WRAP73: variants seen among roughly 807,000 people sequenced by gnomAD.
WRAP73 encodes WD repeat-containing protein WRAP73.
Under a neutral mutation model 59.6 loss-of-function variants are expected in WRAP73, and 55 were observed. The ratio of observed to expected loss-of-function variants is 0.92; its 90% CI spans 0.74 to 1.15. WRAP73 has a LOEUF of 1.15. Ranked by LOEUF, WRAP73 falls within the 50% of genes most tolerant of loss-of-function variation. The pLI is 0.00. For synonymous variants in WRAP73, 265 were observed against 258.2 expected (o/e 1.03, Z -0.25); for missense variants, 592 against 608.1 (o/e 0.97, Z 0.28).
chr1:3,632,369 G>A, intron 9 of WRAP73, 31 bp from the exon 10 acceptor site: 2 of 1,613,956 alleles, frequency 1.2e-6, no homozygotes, highest in Non-Finnish European at 1.7e-6. Context: ...ACACGCCATT[G>A]TCACCCTTTC....
chr1:3,646,845 A>T lies in WRAP73; in HGVS notation c.223-63T>A. The T allele has an allele frequency of 1.4e-6, 2 of 1,455,584 alleles. No homozygotes were observed. Among genetic ancestry groups the T allele is most frequent in the Non-Finnish European group, 1.9e-6 (2 of 1,049,422 alleles). 90.2% of individuals were successfully genotyped at this position (1,455,584 alleles called of 1,614,324 possible). A position where few individuals can be genotyped will look rare whatever the true frequency, so the allele number is the denominator to read the frequency against. On this transcript the variant is annotated intron_variant, in intron 2 of 11. Transcript: ENST00000270708. This position sits in a 1 kb window ranked among gnomAD's most constrained non-coding sequence, Gnocchi z 5.1. ...TCATCAGCACCGAGAGACAGCGAGG[A>T]CAGCTCGCTTAAACGCAGCGGAGAC...
intron 5 of WRAP73, 31 bp from the exon 6 acceptor site, chr1:3,636,061 T>C (rs1207160962): frequency 6.6e-7 from 1 of 1,521,410 alleles, no homozygotes; most frequent in East Asian, 2.3e-5. Context: ...AACATTAAAT[T>C]TGGAAAATAT....
intron 6 of WRAP73, chr1:3,635,681 C>G (rs939052510): frequency 6.0e-6 from 3 of 496,370 alleles, no homozygotes; most frequent in African/African-American, 1.9e-5. Context: ...ATTAGCCGGG[C>G]GTGGTGGTGC....
At chr1:3,647,349 C>T (rs1644701482) in intron 2 of WRAP73, 59 bp downstream of exon 2, 5 of 1,517,884 alleles carry the variant, frequency 3.3e-6, no homozygotes, top group Non-Finnish European at 3.5e-6. Flanking sequence ...GAACAAAACC[C>T]CTCCTTCCCA....
chr1:3,642,101 G>A (rs1033223899), intron 3 of WRAP73, among the ~76,000 whole-genome samples: 3 of 152,204 alleles, frequency 2.0e-5, no homozygotes, highest in African/African-American at 7.2e-5. Flanking sequence ...TTAAAAATCT[G>A]GCAGAGCCGG....
At chr1:3,635,123 C>T (rs1266412539) in intron 7 of WRAP73, 37 bp downstream of exon 7, 7 of 1,614,134 alleles carry the variant, frequency 4.3e-6, no homozygotes, top group East Asian at 2.2e-5. Flanking sequence ...GCCCGCTGGG[C>T]GGTCGGACTT....
In WRAP73 at chr1:3,647,606, A is replaced by C; in HGVS notation, c.70-46T>G. On this transcript the variant is annotated intron_variant, in intron 1 of 11. Transcript: ENST00000270708. ...AGCACCTGACATTCTCCACTCCAAA[A>C]GAGGGGGGCCTTCGGAATGCTACTG... The C allele has an allele frequency of 1.9e-6, 3 of 1,593,214 alleles. No homozygotes were observed. In the East Asian group the frequency reaches 6.8e-5, roughly 36 times the overall value.
intron 11 of WRAP73, 140 bp downstream of exon 11, chr1:3,631,326 G>T: frequency 7.6e-7 from 1 of 1,321,634 alleles, no homozygotes; most frequent in Non-Finnish European, 1.0e-6. Context: ...TGTCCGTCTT[G>T]AGGTTTACGC....
Position 3,635,211 on chromosome 1 carries a change from C to T in WRAP73, c.687G>A (p.Val229=). 6.2e-7 allele frequency: 1 copy of T among 1,614,078 alleles called. No homozygotes were observed. Among genetic ancestry groups the T allele is most frequent in the Non-Finnish European group, 8.5e-7 (1 of 1,180,048 alleles). The change falls in exon 7 of 12, where the codon GTG becomes GTA. Residue 229 remains valine (V), a synonymous_variant. Transcript: ENST00000270708. ...GGAACTGACTGCTGGGGCTCCAGGC[C>T]ACAGACTTGATGCCCAGGGACCACT... ...AYEWSLGIKS[V]AWSPSSQFLA... is the part of the protein sequence containing the mutation.
chr1:3,633,399 T>C lies in WRAP73; in HGVS notation c.921A>G (p.Lys307=). The C allele has an allele frequency of 6.2e-7, 1 of 1,612,372 alleles. No individual in the cohort carries two copies. Among genetic ancestry groups the C allele is most frequent in the Non-Finnish European group, 8.5e-7 (1 of 1,179,520 alleles). The change falls in exon 9 of 12, where the codon AAA becomes AAG. Residue 307 remains lysine, a splice_region_variant and synonymous_variant. Transcript: ENST00000270708. ...GAGPLPSSES[K]YEIASVPVSL... is the part of the protein sequence containing the mutation. ...AATGACATCACATGTGCTACTTACA[T>C]TTACTCTCTGAGCTCGGGAGAGGGC...
intron 3 of WRAP73, among the ~76,000 whole-genome samples, chr1:3,643,228 C>CTATAAA (rs1644663281): frequency 6.6e-6 from 1 of 152,248 alleles, no homozygotes; most frequent in African/African-American, 2.4e-5. Flanking sequence ...GTACAAGCCC[C>CTATAAA]TATAAATCAA....
At chr1:3,638,914 A>G (rs1356455086) in intron 3 of WRAP73, 92 bp from the exon 4 acceptor site, 1 of 1,401,994 alleles carries the variant, frequency 7.1e-7, no homozygotes, top group Non-Finnish European at 1.0e-6. Flanking sequence ...GTCCCCAAGC[A>G]CAGGCCTGAC....
chr1:3,638,156 G>A (rs1403048102), intron 4 of WRAP73, among the ~76,000 whole-genome samples: 1 of 152,248 alleles, frequency 6.6e-6, no homozygotes, highest in Non-Finnish European at 1.5e-5. Context: ...CAAAAAGACA[G>A]TGCGGTGTCG....
rs1644523355 is a variant in WRAP73 at position 3,630,809 on chromosome 1, TAC to T, written c.*164_*165del. ...AAGTATTTATTTTAAATAATAAAAC[TAC>T]AGTTTTATACCATACATATTTACAA... On this transcript the variant is annotated 3_prime_UTR_variant, in exon 12 of 12. Coordinates refer to ENST00000270708, the MANE Select transcript of WRAP73 (RefSeq NM_017818.4). 1 of 809,874 alleles carries T rather than the reference TAC, an allele frequency of 1.2e-6. No homozygotes were observed. Among genetic ancestry groups the T allele is most frequent in the East Asian group, 2.8e-5 (1 of 35,678 alleles). 50.2% of individuals were successfully genotyped at this position (809,874 alleles called of 1,614,324 possible). A position where few individuals can be genotyped will look rare whatever the true frequency, so the allele number is the denominator to read the frequency against.
Position 3,637,065 on chromosome 1 carries a change from G to T in WRAP73, c.446C>A (p.Ala149Glu). The T allele has an allele frequency of 6.2e-7, 1 of 1,612,850 alleles. No homozygotes were observed. The highest frequency in any genetic ancestry group is 8.5e-7 in the Non-Finnish European group (1 of 1,179,814). Residue 149 changes from alanine (A) to glutamate (E), a missense_variant, in exon 5 of 12, where the codon GCG (alanine) becomes GAG (glutamate). Transcript: ENST00000270708. ...TTTGCAGTCGCGCCGTTCTGCCAGC[G>T]CCATGTAGCGGCCGTCCCTGGTGAA... ...ITFTRDGRYM[A>E]LAERRDCKDY... is the part of the protein sequence containing the mutation.
rs758461765 is a variant in WRAP73, at chr1:3,647,194, C to T, written c.222+214G>A. The stretch of plus-strand genomic sequence containing the variant: ...GTGGCTAGATTGCTGTCAACACCTC[C>T]GTTTCTCAACTATATTGCTTAGAAA... On this transcript the variant is annotated intron_variant, in intron 2 of 11. Coordinates refer to ENST00000270708, the MANE Select transcript of WRAP73 (RefSeq NM_017818.4). 463 of 546,586 alleles carry T rather than the reference C, an allele frequency of 8.5e-4. 2 individuals are homozygous for T. The highest frequency in any genetic ancestry group is 1.0e-3 in the Non-Finnish European group (329 of 329,078). The allele number at this position is 546,586 out of a possible 1,614,324, so 33.9% of individuals were successfully genotyped here.
chr1:3,637,164 G>GT, intron 4 of WRAP73, 66 bp from the exon 5 acceptor site: 1 of 1,357,572 alleles, frequency 7.4e-7, no homozygotes, highest in Non-Finnish European at 1.0e-6. Flanking sequence ...AACCACAGTA[G>GT]TAATTCACAA....
intron 3 of WRAP73, among the ~76,000 whole-genome samples, chr1:3,641,381 C>A (rs1161112140): frequency 6.6e-6 from 1 of 152,130 alleles, no homozygotes; most frequent in Non-Finnish European, 1.5e-5. Flanking sequence ...CATGCCACGA[C>A]CCAGCACTCT....
intron 6 of WRAP73, 64 bp from the exon 7 acceptor site, chr1:3,635,358 G>A (rs1309164308): frequency 1.2e-5 from 19 of 1,597,540 alleles, no homozygotes; most frequent in South Asian, 2.2e-5. Flanking sequence ...CACCACAGAC[G>A]CGGGTGCTGC....
Sources: allele counts gnomAD v4.1 joint callset (sites outside exome capture counted in the v4.1 genomes callset), GRCh38; gene constraint gnomAD v4.1.1; non-coding constraint Gnocchi (gnomAD v3.1); transcripts MANE v1.5; gene names NCBI Gene and HGNC (gene_info 2026-07-23, HGNC 2026-07-21).